Variants in ERICH3 observed in about 807,000 individuals in gnomAD.
ERICH3 encodes glutamate-rich protein 3.
A neutral mutation model predicts 131.1 loss-of-function variants in ERICH3; 126 were observed. The observed-to-expected ratio is 0.96, with a 90% confidence interval of 0.83 to 1.11. The LOEUF (loss-of-function observed/expected upper bound fraction) is 1.11, where lower values mean the gene tolerates loss of function less well. Ranked by LOEUF, ERICH3 falls within the 50% of genes most tolerant of loss-of-function variation. The pLI is 0.00. For synonymous variants in ERICH3, 695 were observed against 644.6 expected (o/e 1.08, Z -1.18); for missense variants, 2,050 against 1,810.7 (o/e 1.13, Z -2.40).
chr1:74,641,237 G>A, intron 5 of ERICH3, 94 bp downstream of exon 5: 1 of 1,366,036 alleles, frequency 7.3e-7, no homozygotes, highest in Non-Finnish European at 1.0e-6. Flanking sequence ...CAGCATTACG[G>A]AGTCATGCTC....
At chr1:74,581,903 A>G (rs1647188681) in intron 12 of ERICH3, among the ~76,000 whole-genome samples, 1 of 152,194 alleles carries the variant, frequency 6.6e-6, no homozygotes, top group Non-Finnish European at 1.5e-5. Flanking sequence ...CCAAAGAGCT[A>G]GAGGAGAAAG....
At chr1:74,639,116 C>T (rs954736723) in intron 5 of ERICH3, among the ~76,000 whole-genome samples, 1 of 152,140 alleles carries the variant, frequency 6.6e-6, no homozygotes, top group East Asian at 1.9e-4. Context: ...TTATAACCCA[C>T]AAAGAGAAAT....
At chr1:74,620,174 T>G (rs1166723423) in intron 8 of ERICH3, among the ~76,000 whole-genome samples, 1 of 152,156 alleles carries the variant, frequency 6.6e-6, no homozygotes, top group Non-Finnish European at 1.5e-5. Context: ...ACAGTATAAT[T>G]TGCAAAAACC....
At chr1:74,658,648 A>AT (rs150865444) in intron 1 of ERICH3, among the ~76,000 whole-genome samples, 2,995 of 152,186 alleles carry the variant, frequency 0.02, 104 homozygotes, top group African/African-American at 0.068. Flanking sequence ...AATGTCTGTC[A>AT]TTTTTTTCCA....
intron 1 of ERICH3, among the ~76,000 whole-genome samples, chr1:74,658,416 G>A (rs950985840): frequency 1.3e-5 from 2 of 152,052 alleles, no homozygotes; most frequent in African/African-American, 2.4e-5. Context: ...AAGTCAAATC[G>A]TACACAGACC....
At chr1:74,667,520 T>G (rs1030272610) in intron 1 of ERICH3, among the ~76,000 whole-genome samples, 11 of 152,206 alleles carry the variant, frequency 7.2e-5, no homozygotes, top group Non-Finnish European at 1.6e-4. Context: ...AGTACTACCT[T>G]CAATGGCTAA....
At chr1:74,575,757 C>T (rs974304591) in intron 13 of ERICH3, among the ~76,000 whole-genome samples, 4 of 152,138 alleles carry the variant, frequency 2.6e-5, no homozygotes, top group African/African-American at 9.7e-5. Context: ...TGCCTAGCCA[C>T]CATGTAGTAA....
intron 9 of ERICH3, among the ~76,000 whole-genome samples, chr1:74,608,227 A>C (rs1027649350): frequency 2.0e-5 from 3 of 152,028 alleles, no homozygotes. Context: ...ACACTCTCTC[A>C]GCAGACACTA....
intron 7 of ERICH3, chr1:74,626,111 CTTTATCT>C (rs1398395741): frequency 2.6e-5 from 4 of 152,020 alleles, no homozygotes; most frequent in Non-Finnish European, 5.9e-5. Context: ...TCATGTTTCT[CTTTATCT>C]TTTTAAATTG....
intron 12 of ERICH3, among the ~76,000 whole-genome samples, chr1:74,582,026 T>C (rs1647190173): frequency 6.6e-6 from 1 of 152,164 alleles, no homozygotes; most frequent in African/African-American, 2.4e-5. Flanking sequence ...AGTCTTGACA[T>C]TGCCATCTTC....
intron 11 of ERICH3, among the ~76,000 whole-genome samples, chr1:74,591,641 G>A (rs181600816): frequency 1.7e-4 from 26 of 152,166 alleles, no homozygotes; most frequent in African/African-American, 5.3e-4. Flanking sequence ...AGAAACTTAC[G>A]GTAGCCACAG....
At chr1:74,640,254 C>A (rs1203198460) in intron 5 of ERICH3, among the ~76,000 whole-genome samples, 1 of 152,072 alleles carries the variant, frequency 6.6e-6, no homozygotes, top group African/African-American at 2.4e-5. Context: ...TCAGGTTAAG[C>A]TTTTGAGAGT....
At chr1:74,633,408 A>G (rs1477237279) in intron 6 of ERICH3, among the ~76,000 whole-genome samples, 1 of 151,968 alleles carries the variant, frequency 6.6e-6, no homozygotes, top group East Asian at 1.9e-4. Flanking sequence ...AAATAAAAAT[A>G]AGTAAAAAAT....
At chr1:74,579,894 A>C in intron 12 of ERICH3, 1 of 984,942 alleles carries the variant, frequency 1.0e-6, no homozygotes, top group African/African-American at 1.7e-5. Flanking sequence ...CACACACAGA[A>C]AATTTCTTAG....
In ERICH3 at chr1:74,673,633, C is replaced by G; in HGVS notation, c.-114G>C. On this transcript the variant is annotated 5_prime_UTR_variant, in exon 1 of 15. Coordinates refer to ENST00000326665, the MANE Select transcript of ERICH3 (RefSeq NM_001002912.5). ...CGAGGGGTGGCTCCGCACCGAGGTC[C>G]CCTGTGCGCGGGCACCTGGGCTGGG... 1 of 1,225,648 alleles carries G rather than the reference C, an allele frequency of 8.2e-7. No individual in the cohort carries two copies. The highest frequency in any genetic ancestry group is 3.0e-5 in the East Asian group (1 of 33,342). 75.9% of individuals were successfully genotyped at this position (1,225,648 alleles called of 1,614,324 possible). A position where few individuals can be genotyped will look rare whatever the true frequency, so the allele number is the denominator to read the frequency against.
intron 8 of ERICH3, among the ~76,000 whole-genome samples, chr1:74,617,547 G>T (rs533961797): frequency 1.3e-5 from 2 of 152,174 alleles, no homozygotes; most frequent in Non-Finnish European, 2.9e-5. Flanking sequence ...CTACAAATAT[G>T]CATGACTCTC....
chr1:74,628,779 C>A (rs1274080497), intron 7 of ERICH3, among the ~76,000 whole-genome samples: 1 of 151,740 alleles, frequency 6.6e-6, no homozygotes, highest in Non-Finnish European at 1.5e-5. Context: ...AGTAATATGA[C>A]AAAAAGGATC....
Position 74,568,727 on chromosome 1 carries a change from A to G in ERICH3, c.*1731T>C, listed in dbSNP as rs1191787450. ...AAAGACAGATAAATCAGAAGACAGGAAAAGACAGAGAGACATAGAGAGGCA... is the reference window on the plus strand; with the variant it reads ...AAAGACAGATAAATCAGAAGACAGGGAAAGACAGAGAGACATAGAGAGGCA... On this transcript the variant is annotated 3_prime_UTR_variant, in exon 15 of 15. Transcript: ENST00000326665. 6.6e-6 allele frequency: 1 copy of G among 152,224 alleles called. No individual in the cohort carries two copies. Among genetic ancestry groups the G allele is most frequent in the Non-Finnish European group, 1.5e-5 (1 of 68,030 alleles). 9.4% of individuals were successfully genotyped at this position (152,224 alleles called of 1,614,324 possible).
chr1:74,642,162 C>T (rs186766796), intron 4 of ERICH3, among the ~76,000 whole-genome samples: 23 of 152,286 alleles, frequency 1.5e-4, no homozygotes, highest in Admixed American at 3.3e-4. Flanking sequence ...TACACACCAA[C>T]TCTTTGATCT....
Sources: allele counts gnomAD v4.1 joint callset (sites outside exome capture counted in the v4.1 genomes callset), GRCh38; gene constraint gnomAD v4.1.1; transcripts MANE v1.5; gene names NCBI Gene and HGNC (gene_info 2026-07-23, HGNC 2026-07-21).